The following POLRMT variants were observed in gnomAD, a reference collection of about 807,000 sequenced individuals.
POLRMT encodes DNA-directed RNA polymerase, mitochondrial.
In POLRMT, 114 loss-of-function variants were observed where a neutral mutation model predicts 132.2. The ratio of observed to expected loss-of-function variants is 0.86; its 90% confidence interval spans 0.74 to 1.01. The LOEUF is 1.01. POLRMT is among the 50% of genes least tolerant of loss of function. The pLI is 0.00. For synonymous variants in POLRMT, 1,020 were observed against 773.4 expected, an observed-to-expected ratio of 1.32 and a Z score of -5.29; for missense variants, 2,003 against 1,729.1, an observed-to-expected ratio of 1.16 and a Z score of -2.81.
chr19:623,384 G>T, intron 6 of POLRMT, 70 bp downstream of exon 6: 1 of 1,577,348 alleles, frequency 6.3e-7, no homozygotes. Context: ...CCCCGGCTCA[G>T]CCCGTGCGGT....
rs1984566457 is a variant in POLRMT, at chr19:621,299, A to G, written c.2399T>C (p.Met800Thr). The G allele has an allele frequency of 1.9e-6, 3 of 1,602,314 alleles. No homozygotes were observed. The highest frequency in any genetic ancestry group is 2.5e-6 in the Non-Finnish European group (3 of 1,177,478). ...GGGGTAGGTGCGGCCGCGGAAGTCC[A>G]TGTTGTGCGGCAGCCAGAAGACGCG... The part of the protein sequence containing the change: ...RDRVFWLPHN[M>T]DFRGRTYPCP... Residue 800 changes from methionine (M) to threonine (T), a missense_variant, in exon 10 of 21, where the codon ATG (methionine) becomes ACG (threonine). Coordinates refer to ENST00000588649, the MANE Select transcript of POLRMT (RefSeq NM_005035.4).
In POLRMT at chr19:619,095, T is replaced by C; in HGVS notation, c.3169A>G (p.Ser1057Gly). 1 of 1,611,020 alleles carries C rather than the reference T, an allele frequency of 6.2e-7. No individual in the cohort carries two copies. The highest frequency in any genetic ancestry group is 8.5e-7 in the Non-Finnish European group (1 of 1,179,152). The stretch of plus-strand genomic sequence containing the variant: ...CCCATGTGGGAGATGAGGCGGGCAC[T>C]CTCGGTCAGCCAGTGCTGTGGGACA... The part of the protein sequence containing the change: ...TRAIQHWLTE[S>G]ARLISHMGSV... Residue 1057 changes from serine (S) to glycine (G), a missense_variant, in exon 15 of 21, where the codon AGT (serine) becomes GGT (glycine). Transcript: ENST00000588649.
At chr19:628,635 G>C (rs1321739580) in intron 3 of POLRMT, among the ~76,000 whole-genome samples, 1 of 143,188 alleles carries the variant, frequency 7.0e-6, no homozygotes, top group Non-Finnish European at 1.5e-5. Context: ...GGATCATGGG[G>C]GGGGAGAAAG....
intron 17 of POLRMT, 138 bp from the exon 18 acceptor site, chr19:617,987 C>A: frequency 1.4e-6 from 1 of 690,570 alleles, no homozygotes; most frequent in South Asian, 1.7e-5. Flanking sequence ...CCCCACCCCT[C>A]GCCCCGCCCC....
At position 621,209 on chromosome 19, in the gene POLRMT, C is replaced by T; in HGVS notation, c.2489G>A (p.Gly830Asp). ...CAGGCCGTGCGGGCCGAGCGGGCGGCCCTGGGCGAACTCCAGCAGGGCCCG... is the reference window on the plus strand; with the variant it reads ...CAGGCCGTGCGGGCCGAGCGGGCGGTCCTGGGCGAACTCCAGCAGGGCCCG... ...VARALLEFAQ[G>D]RPLGPHGLDW... is the part of the protein sequence containing the mutation. Residue 830 changes from glycine (G) to aspartate (D), a missense_variant, in exon 10 of 21, where the codon GGC (glycine) becomes GAC (aspartate). Transcript: ENST00000588649. 1.2e-6 allele frequency: 2 copies of T among 1,610,154 alleles called. No individual in the cohort carries two copies. The highest frequency in any genetic ancestry group is 1.3e-5 in the African/African-American group (1 of 74,852).
intron 10 of POLRMT, among the ~76,000 whole-genome samples, chr19:620,802 A>G: frequency 1.0e-5 from 1 of 100,318 alleles, no homozygotes; most frequent in Admixed American, 1.0e-4. Flanking sequence ...GAACGTGGGG[A>G]ACGCGGGGGC....
rs140649984 is a variant in POLRMT at position 630,130 on chromosome 19, C to G, written c.232G>C (p.Val78Leu). ...ARVRQLQAES[V>L]SEVVVNRVDV... ...ACCCTGTTCACCACCACCTCCGACA[C>G]GCTCTCAGCCTGCAGCTGCCGCACC... Residue 78 changes from valine (V) to leucine (L), a missense_variant, in exon 3 of 21, where the codon GTG becomes CTG. Transcript: ENST00000588649. 2.5e-5 allele frequency: 40 copies of G among 1,607,642 alleles called. No individual in the cohort carries two copies. The highest frequency in any genetic ancestry group is 3.1e-5 in the Non-Finnish European group (37 of 1,175,966).
chr19:629,513 G>A (rs1985249597), intron 3 of POLRMT, 27 bp downstream of exon 3: 3 of 1,489,646 alleles, frequency 2.0e-6, no homozygotes, highest in East Asian at 4.8e-5. Context: ...GACCAGGGCA[G>A]GTGGCCCGGC....
rs756620944 is a variant in POLRMT at position 633,432 on chromosome 19, GC to G, written c.80del (p.Gly27AlafsTer57). 1 of 1,549,966 alleles carries G rather than the reference GC, an allele frequency of 6.5e-7. No individual in the cohort carries two copies. Among genetic ancestry groups the G allele is most frequent in the Non-Finnish European group, 8.7e-7 (1 of 1,147,502 alleles). On this transcript the variant is annotated frameshift_variant, in exon 1 of 21. Coordinates refer to ENST00000588649, the MANE Select transcript of POLRMT (RefSeq NM_005035.4). LOFTEE classifies it high-confidence loss of function. ...LRPCGRPGLP[G>X]KEGTAGGVCG... ...CGTCTCCCTTTGTGTTACCTTCTTTGCCGGGGAGTCCCGGGCGGCCGCAAGG... is the reference window on the plus strand; with the variant it reads ...CGTCTCCCTTTGTGTTACCTTCTTTGCGGGGAGTCCCGGGCGGCCGCAAGG...
At chr19:625,390 C>A in intron 3 of POLRMT, 136 bp from the exon 4 acceptor site, 1 of 1,141,894 alleles carries the variant, frequency 8.8e-7, no homozygotes, top group South Asian at 1.6e-5. Flanking sequence ...GCCAGCTGGG[C>A]AGACCGATGC....
intron 11 of POLRMT, 61 bp from the exon 12 acceptor site, chr19:620,141 A>C: frequency 6.6e-7 from 1 of 1,526,478 alleles, no homozygotes; most frequent in Non-Finnish European, 8.8e-7. Flanking sequence ...GTGGGACCCC[A>C]AACCACCCCC....
At position 622,721 on chromosome 19, in the gene POLRMT, G is replaced by A. The variant is rs767588180; in HGVS notation, c.1487C>T (p.Ser496Phe). 7 of 1,600,860 alleles carry A rather than the reference G, an allele frequency of 4.4e-6. No individual in the cohort carries two copies. Among genetic ancestry groups the A allele is most frequent in the Non-Finnish European group, 6.0e-6 (7 of 1,175,144 alleles). ...CAGCTCCCGGGCCAGGGTGGTGAAG[G>A]ACTCACCTTGGGCGGGCAGCGCCTG... ...VLQALPAQGE[S>F]FTTLARELSA... The change falls in exon 8 of 21, where the codon TCC (serine) becomes TTC (phenylalanine). Residue 496 changes from serine to phenylalanine, a missense_variant. Coordinates refer to ENST00000588649, the MANE Select transcript of POLRMT (RefSeq NM_005035.4).
Position 630,081 on chromosome 19 carries a change from C to T in POLRMT, c.281G>A (p.Cys94Tyr), listed in dbSNP as rs201157145. Reference sequence around the variant, plus strand: ...CTGGAGGCTACCATCTCCACTGCCACATTCTGGGAGCCGCGCCACATCCAC... The same window carrying T: ...CTGGAGGCTACCATCTCCACTGCCATATTCTGGGAGCCGCGCCACATCCAC... ...NRVDVARLPE[C>Y]GSGDGSLQPP... The change falls in exon 3 of 21, where the codon TGT becomes TAT. Residue 94 changes from cysteine to tyrosine, a missense_variant. Cys to Tyr is a radical substitution (Grantham distance 194). Transcript: ENST00000588649. 5 of 1,613,712 alleles carry T rather than the reference C, an allele frequency of 3.1e-6. No homozygotes were observed. The East Asian group carries it at 1.1e-4, about 36-fold the overall frequency.
intron 6 of POLRMT, 52 bp downstream of exon 6, chr19:623,402 C>G (rs1327846311): frequency 1.4e-4 from 219 of 1,589,098 alleles, no homozygotes; most frequent in Middle Eastern, 2.3e-4. Context: ...GGTGGACACG[C>G]GACCCCGGCT....
In POLRMT at chr19:621,130, C is replaced by T. The variant is rs56221930; in HGVS notation, c.2568G>A (p.Pro856=). 3.7e-4 allele frequency: 597 copies of T among 1,610,674 alleles called. 10 individuals are homozygous for T. The South Asian group carries it at 5.5e-3, about 15-fold the overall frequency. The change falls in exon 10 of 21, where the codon CCG becomes CCA. Residue 856 remains proline, a synonymous_variant. Coordinates refer to ENST00000588649, the MANE Select transcript of POLRMT (RefSeq NM_005035.4). The part of the protein sequence containing the change: ...VNLTGLKKRE[P]LRKRLAFAEE... ...CCGCAAAGGCCAGGCGCTTCCGCAG[C>T]GGCTCCCGCTTCTTCAACCCCGTGA...
rs532687124 is a variant in POLRMT at position 632,797 on chromosome 19, C to G, written c.193+37G>C. ...TTTTCTCCCGGCAGCAGGGAGCGGACTCTCCTCTCCCGGGCCGCCGTGGGG... is the reference window on the plus strand; with the variant it reads ...TTTTCTCCCGGCAGCAGGGAGCGGAGTCTCCTCTCCCGGGCCGCCGTGGGG... On this transcript the variant is annotated intron_variant, in intron 2 of 20. Transcript: ENST00000588649. 29 of 1,491,308 alleles carry G rather than the reference C, an allele frequency of 1.9e-5. 1 individual carries two copies. In the South Asian group the frequency reaches 3.5e-4, roughly 18 times the overall value. 92.4% of individuals were successfully genotyped at this position (1,491,308 alleles called of 1,614,324 possible).
intron 2 of POLRMT, among the ~76,000 whole-genome samples, chr19:630,924 G>C (rs758147222): frequency 6.6e-6 from 1 of 152,212 alleles, no homozygotes; most frequent in Non-Finnish European, 1.5e-5. Flanking sequence ...TTGGGAGGCC[G>C]AGGCAGGAAG....
chr19:620,774 C>T (rs1984470259), intron 10 of POLRMT, among the ~76,000 whole-genome samples: 2 of 45,890 alleles, frequency 4.4e-5, no homozygotes, highest in South Asian at 1.1e-3. Flanking sequence ...AGCAGCTCGG[C>T]GGATGCAGGG....
intron 5 of POLRMT, among the ~76,000 whole-genome samples, chr19:624,501 C>T (rs1430179005): frequency 1.3e-5 from 2 of 152,124 alleles, no homozygotes; most frequent in Non-Finnish European, 2.9e-5. Context: ...CTCTCTGCGG[C>T]CCCCGACCAC....
Sources: gnomAD v4.1 joint callset for allele counts (sites outside exome capture counted in the v4.1 genomes callset) on GRCh38, gnomAD v4.1.1 for gene constraint, MANE v1.5 for transcripts, NCBI Gene and HGNC (gene_info 2026-07-23, HGNC 2026-07-21) for gene names.